ATP13A4: variants seen among roughly 807,000 people sequenced by gnomAD.
ATP13A4 encodes the protein probable cation-transporting ATPase 13A4.
A neutral mutation model predicts 142.5 loss-of-function variants in ATP13A4; 114 were observed. The observed-to-expected ratio is 0.80, with a 90% CI of 0.69 to 0.93. The LOEUF (loss-of-function observed/expected upper bound fraction) is 0.93. Among genes scored for constraint, ATP13A4 ranks in the 40% least tolerant of loss-of-function variants. The pLI is 0.00. For synonymous variants in ATP13A4, 488 were observed against 514.8 expected, an observed-to-expected ratio of 0.95 and a Z score of 0.70; for missense variants, 1,392 against 1,454.0, an observed-to-expected ratio of 0.96 and a Z score of 0.69.
At chr3:193,471,675 C>G (rs919556426) in intron 8 of ATP13A4, among the ~76,000 whole-genome samples, 7 of 44,640 alleles carry the variant, frequency 1.6e-4, no homozygotes, top group Non-Finnish European at 2.4e-4. Context: ...ATTGTCACTT[C>G]ACACACACAC....
chr3:193,519,738 G>A (rs959647577), intron 1 of ATP13A4, among the ~76,000 whole-genome samples: 1 of 142,678 alleles, frequency 7.0e-6, no homozygotes, highest in South Asian at 2.2e-4. Flanking sequence ...TCTACCTCCT[G>A]CGTTCCAGTG....
chr3:193,517,291 A>C (rs1577042939), intron 1 of ATP13A4, among the ~76,000 whole-genome samples: 1 of 152,372 alleles, frequency 6.6e-6, no homozygotes, highest in East Asian at 1.9e-4. Context: ...TTAGTTTAGT[A>C]GAGAAGAGAG....
intron 29 of ATP13A4, 39 bp downstream of exon 29, chr3:193,407,274 A>G (rs374740785): frequency 6.5e-6 from 10 of 1,546,832 alleles, no homozygotes; most frequent in Admixed American, 3.4e-5. Flanking sequence ...ACATGCGTGC[A>G]CACACACAAG....
intron 29 of ATP13A4, among the ~76,000 whole-genome samples, chr3:193,405,653 C>T (rs1437242741): frequency 6.6e-6 from 1 of 152,090 alleles, no homozygotes; most frequent in Non-Finnish European, 1.5e-5. Flanking sequence ...AGTGACACTA[C>T]TGAGTTACTA....
chr3:193,450,797 G>A (rs773975471), intron 17 of ATP13A4, among the ~76,000 whole-genome samples: 1 of 152,134 alleles, frequency 6.6e-6, no homozygotes, highest in Non-Finnish European at 1.5e-5. Flanking sequence ...CTGAGCCCCC[G>A]TCCCATCTAG....
chr3:193,472,478 C>T (rs1425964580), intron 8 of ATP13A4, among the ~76,000 whole-genome samples: 1 of 152,312 alleles, frequency 6.6e-6, no homozygotes, highest in East Asian at 1.9e-4. Context: ...AAAGTGCTTC[C>T]TTTAAGTGAA....
At chr3:193,555,514 G>A (rs181264206), upstream of ATP13A4, among the ~76,000 whole-genome samples, 10 of 152,354 alleles carry the variant, frequency 6.6e-5, no homozygotes, top group Admixed American at 3.3e-4. Flanking sequence ...ACTAGTCTAT[G>A]TAGTCTCCTT....
intron 23 of ATP13A4, among the ~76,000 whole-genome samples, chr3:193,437,724 T>C (rs927964177): frequency 6.6e-6 from 1 of 152,084 alleles, no homozygotes; most frequent in South Asian, 2.1e-4. Context: ...CCATGCTCAC[T>C]ATCTCTATCA....
intron 1 of ATP13A4, among the ~76,000 whole-genome samples, chr3:193,588,023 C>G (rs775877953): frequency 6.6e-6 from 1 of 152,014 alleles, no homozygotes; most frequent in African/African-American, 2.4e-5. Flanking sequence ...GTCCCATCTA[C>G]TTAAGAGGCT....
At chr3:193,495,927 C>T (rs1285427971) in intron 3 of ATP13A4, among the ~76,000 whole-genome samples, 1 of 151,992 alleles carries the variant, frequency 6.6e-6, no homozygotes, top group Non-Finnish European at 1.5e-5. Flanking sequence ...ACACTAATAG[C>T]AAACTATCTG....
chr3:193,447,312 C>T (rs73078998), intron 18 of ATP13A4, among the ~76,000 whole-genome samples: 4,580 of 152,200 alleles, frequency 0.03, 228 homozygotes, highest in African/African-American at 0.1. Flanking sequence ...AAAGTAAAAA[C>T]AGTCCAAGAT....
Position 193,442,432 on chromosome 3 carries a change from C to G in ATP13A4, c.2277G>C (p.Thr759=), listed in dbSNP as rs144409808. The change falls in exon 19 of 30, where the codon ACG becomes ACC. Residue 759 remains threonine (T), a synonymous_variant. Transcript: ENST00000342695. Reference sequence around the variant, plus strand: ...TAATGTGTTTCTTCTCTTCTACTAACGTCCAAGATATAGATGCTGATGAGG... The same window carrying G: ...TAATGTGTTTCTTCTCTTCTACTAAGGTCCAAGATATAGATGCTGATGAGG... The part of the protein sequence containing the change: ...TGSSSASISW[T]LVEEKKHIMY... 1 of 1,614,036 alleles carries G rather than the reference C, an allele frequency of 6.2e-7. No homozygotes were observed. Among genetic ancestry groups the G allele is most frequent in the African/African-American group, 1.3e-5 (1 of 75,060 alleles).
chr3:193,554,736 T>A lies in ATP13A4; in HGVS notation c.60+4A>T. On this transcript the variant is annotated splice_donor_region_variant and intron_variant, in intron 1 of 29. Transcript: ENST00000342695. ...GGAAGAAGGGAATGTGGCTAGAATC[T>A]TACCATCTCATTCTCTTCTCCTTCA... The A allele has an allele frequency of 6.2e-7, 1 of 1,613,636 alleles. No individual in the cohort carries two copies. The highest frequency in any genetic ancestry group is 8.5e-7 in the Non-Finnish European group (1 of 1,179,954).
At chr3:193,562,893 A>T (rs187484135) in intron 2 of ATP13A4, among the ~76,000 whole-genome samples, 18 of 152,202 alleles carry the variant, frequency 1.2e-4, no homozygotes, top group Non-Finnish European at 2.6e-4. Context: ...AATAAAAATT[A>T]AAAAATCATA....
intron 23 of ATP13A4, among the ~76,000 whole-genome samples, chr3:193,436,081 T>C (rs533780286): frequency 6.6e-6 from 1 of 152,244 alleles, no homozygotes; most frequent in African/African-American, 2.4e-5. Context: ...TATTCACTAA[T>C]GAGATGCAGA....
At chr3:193,480,062 A>G (rs1719200183) in intron 8 of ATP13A4, among the ~76,000 whole-genome samples, 1 of 152,138 alleles carries the variant, frequency 6.6e-6, no homozygotes, top group Admixed American at 6.5e-5. Flanking sequence ...GGCAAGCCAC[A>G]TGTAGAGAAT....
chr3:193,413,625 C>A (rs556297808), intron 26 of ATP13A4, among the ~76,000 whole-genome samples: 4 of 152,252 alleles, frequency 2.6e-5, no homozygotes, highest in East Asian at 1.9e-4. Flanking sequence ...TAAATGGCCG[C>A]TCTGGGAGTG....
Position 193,458,925 on chromosome 3 carries a change from A to G in ATP13A4, c.1674+156T>C, listed in dbSNP as rs1576985246. The G allele has an allele frequency of 1.6e-5, 15 of 950,618 alleles. No individual in the cohort carries two copies. The East Asian group carries it at 3.6e-4, about 23-fold the overall frequency. 58.9% of individuals were successfully genotyped at this position (950,618 alleles called of 1,614,324 possible). A position where few individuals can be genotyped will look rare whatever the true frequency, so the allele number is the denominator to read the frequency against. On this transcript the variant is annotated intron_variant, in intron 14 of 29. Coordinates refer to ENST00000342695, the MANE Select transcript of ATP13A4 (RefSeq NM_032279.4). The stretch of plus-strand genomic sequence containing the variant: ...TGCTATTATTAGCTTCATTGCACAG[A>G]TGAGGAAACCAGCCTTAGATTGGTT...
chr3:193,482,349 T>C (rs970513920), intron 8 of ATP13A4, among the ~76,000 whole-genome samples: 1 of 152,160 alleles, frequency 6.6e-6, no homozygotes, highest in Non-Finnish European at 1.5e-5. Flanking sequence ...AAAATCATGG[T>C]GACCTTAACA....
Sources: gnomAD v4.1 joint callset for allele counts (sites outside exome capture counted in the v4.1 genomes callset) on GRCh38, gnomAD v4.1.1 for gene constraint, MANE v1.5 for transcripts, NCBI Gene and HGNC (gene_info 2026-07-23, HGNC 2026-07-21) for gene names.